Variants in GRM8 observed in about 807,000 individuals in gnomAD.
The protein encoded by GRM8 is metabotropic glutamate receptor 8.
Under a neutral mutation model 87.2 loss-of-function variants are expected in GRM8, and 47 were observed. The observed-to-expected ratio is 0.54, with a 90% confidence interval of 0.43 to 0.69. The LOEUF (loss-of-function observed/expected upper bound fraction) is 0.69. Ranked by LOEUF, GRM8 falls within the 30% of genes least tolerant of loss-of-function variation. The pLI is 0.00. For missense variants in GRM8, 1,019 were observed against 1,139.2 expected (o/e 0.89, Z 1.52); for synonymous variants, 396 against 404.5 (o/e 0.98, Z 0.25).
At chr7:126,624,131 C>T (rs1420399991) in intron 7 of GRM8, among the ~76,000 whole-genome samples, 1 of 152,234 alleles carries the variant, frequency 6.6e-6, no homozygotes, top group African/African-American at 2.4e-5. Context: ...CTCTACCCTA[C>T]AGTCAGAATG....
chr7:127,137,007 CA>C (rs1424973443), intron 2 of GRM8, among the ~76,000 whole-genome samples: 1 of 151,916 alleles, frequency 6.6e-6, no homozygotes, highest in Non-Finnish European at 1.5e-5. Flanking sequence ...AATTAAATCA[CA>C]GGATAAAAGT....
chr7:126,555,432 C>T (rs1222271785), intron 8 of GRM8, among the ~76,000 whole-genome samples: 3 of 152,196 alleles, frequency 2.0e-5, no homozygotes, highest in Non-Finnish European at 4.4e-5. Flanking sequence ...CTAAGAACAG[C>T]TATAAACTAG....
chr7:127,121,257 T>G (rs528974849), intron 2 of GRM8, among the ~76,000 whole-genome samples: 1 of 152,212 alleles, frequency 6.6e-6, no homozygotes, highest in Non-Finnish European at 1.5e-5. Context: ...TCAGGAGACT[T>G]GGCCTATAGA....
intron 3 of GRM8, among the ~76,000 whole-genome samples, chr7:127,012,473 T>G (rs1051296681): frequency 2.8e-4 from 43 of 152,158 alleles, no homozygotes; most frequent in Admixed American, 2.3e-3. Context: ...TATTTTAATT[T>G]TTTGCAATGT....
At chr7:126,643,500 G>T (rs1217882609) in intron 7 of GRM8, among the ~76,000 whole-genome samples, 1 of 149,192 alleles carries the variant, frequency 6.7e-6, no homozygotes, top group Non-Finnish European at 1.5e-5. Flanking sequence ...GTGTGTATAT[G>T]TCCATGTATA....
intron 8 of GRM8, among the ~76,000 whole-genome samples, chr7:126,582,688 C>T (rs1005479902): frequency 3.9e-5 from 6 of 152,042 alleles, no homozygotes; most frequent in Admixed American, 2.0e-4. Flanking sequence ...GACTTTAAAT[C>T]GAATCCAATG....
intron 8 of GRM8, among the ~76,000 whole-genome samples, chr7:126,595,875 T>C (rs1428643376): frequency 6.6e-6 from 1 of 152,166 alleles, no homozygotes; most frequent in Non-Finnish European, 1.5e-5. Flanking sequence ...CAGTAGCTCA[T>C]GCCTGTAATC....
At chr7:126,627,670 C>T (rs1800838081) in intron 7 of GRM8, among the ~76,000 whole-genome samples, 1 of 152,002 alleles carries the variant, frequency 6.6e-6, no homozygotes, top group South Asian at 2.1e-4. Context: ...GTATCATATT[C>T]ATTTAGGCCT....
At chr7:126,512,559 ACT>A (rs1348147920) in intron 9 of GRM8, 3 of 152,224 alleles carry the variant, frequency 2.0e-5, no homozygotes, top group African/African-American at 7.2e-5. Context: ...CTAGGCTGTG[ACT>A]CTGCCTGATG....
intron 7 of GRM8, among the ~76,000 whole-genome samples, chr7:126,695,511 T>C (rs1809286197): frequency 6.6e-6 from 1 of 152,054 alleles, no homozygotes; most frequent in Admixed American, 6.6e-5. Context: ...GCCCTATGAA[T>C]TGAGTTTTAC....
chr7:126,492,217 A>C (rs1246062836), intron 9 of GRM8, among the ~76,000 whole-genome samples: 3 of 151,684 alleles, frequency 2.0e-5, no homozygotes, highest in African/African-American at 7.3e-5. Context: ...TGCCTGGATA[A>C]TTTTTGTATC....
chr7:126,705,662 A>C (rs1186138895), intron 7 of GRM8, among the ~76,000 whole-genome samples: 1 of 151,978 alleles, frequency 6.6e-6, no homozygotes, highest in Non-Finnish European at 1.5e-5. Context: ...TGTATATTAA[A>C]CTAACAGGTT....
intron 7 of GRM8, among the ~76,000 whole-genome samples, chr7:126,641,289 G>T (rs1004233580): frequency 4.6e-5 from 7 of 152,132 alleles, no homozygotes; most frequent in Admixed American, 6.5e-5. Flanking sequence ...CCAAAACAAA[G>T]AAAAAGTCTG....
chr7:126,610,522 T>A (rs906015061), intron 7 of GRM8, among the ~76,000 whole-genome samples: 4 of 152,190 alleles, frequency 2.6e-5, no homozygotes, highest in African/African-American at 9.7e-5. Flanking sequence ...TCTTGTTATC[T>A]CTGTCTCATA....
rs924383033 is a variant in GRM8 at position 127,105,634 on chromosome 7, T to C, written c.727+862A>G. Among the ~76,000 whole-genome samples the C allele has an allele frequency of 2.6e-5, 4 of 152,314 alleles. 1 individual carries two copies. In the South Asian group the frequency reaches 6.2e-4, roughly 24 times the overall value. Reference sequence around the variant, plus strand: ...TGTCTTCCTTCAGGCTCAAAATTACTGAAAAAAATCAATGGACACTTTAAT... The same window carrying C: ...TGTCTTCCTTCAGGCTCAAAATTACCGAAAAAAATCAATGGACACTTTAAT... On this transcript the variant is annotated intron_variant, in intron 3 of 10. Coordinates refer to ENST00000339582, the MANE Select transcript of GRM8 (RefSeq NM_000845.3).
intron 3 of GRM8, among the ~76,000 whole-genome samples, chr7:127,083,016 C>T (rs988716341): frequency 6.6e-6 from 1 of 152,186 alleles, no homozygotes; most frequent in African/African-American, 2.4e-5. Flanking sequence ...GAAGGTCAAA[C>T]TTCTGTTCAG....
At position 126,742,126 on chromosome 7, in the gene GRM8, G is replaced by GA. The variant is rs1279746219; in HGVS notation, c.1357+27738dup. Among the ~76,000 whole-genome samples the GA allele has an allele frequency of 7.3e-5, 11 of 151,052 alleles. No individual in the cohort carries two copies. The East Asian group carries it at 1.4e-3, about 19-fold the overall frequency. ...CTGTATTTTCCATCTGCATTTGGGTGAAAAAAAATCCATTTGGGTGAAAAA... is the reference window on the plus strand; with the variant it reads ...CTGTATTTTCCATCTGCATTTGGGTGAAAAAAAAATCCATTTGGGTGAAAAA... On this transcript the variant is annotated intron_variant, in intron 7 of 10. Transcript: ENST00000339582.
chr7:126,614,104 T>G (rs993202166), intron 7 of GRM8, among the ~76,000 whole-genome samples: 10 of 152,118 alleles, frequency 6.6e-5, no homozygotes, highest in African/African-American at 2.2e-4. Flanking sequence ...GACCTCCAAG[T>G]AGCCTAACTG....
At chr7:127,080,305 A>T (rs920854275) in intron 3 of GRM8, among the ~76,000 whole-genome samples, 7 of 152,244 alleles carry the variant, frequency 4.6e-5, no homozygotes, top group African/African-American at 1.7e-4. Context: ...AGATTAAGAA[A>T]GGAGCACAGC....
Sources: allele counts gnomAD v4.1 joint callset (sites outside exome capture counted in the v4.1 genomes callset), GRCh38; gene constraint gnomAD v4.1.1; transcripts MANE v1.5; gene names NCBI Gene and HGNC (gene_info 2026-07-23, HGNC 2026-07-21).